Variants in KIAA1210 observed in about 807,000 individuals in gnomAD.
KIAA1210 encodes acrosomal protein KIAA1210.
A neutral mutation model predicts 78.9 loss-of-function variants in KIAA1210; 48 were observed. The observed-to-expected ratio is 0.61, with a 90% CI of 0.48 to 0.77. KIAA1210 has a LOEUF of 0.77. Ranked by LOEUF, KIAA1210 falls within the 30% of genes least tolerant of loss-of-function variation. KIAA1210 has a pLI of 0.00. For synonymous variants in KIAA1210, 406 were observed against 404.5 expected, an observed-to-expected ratio of 1.00 and a Z score of -0.04; for missense variants, 1,108 against 1,100.0, an observed-to-expected ratio of 1.01 and a Z score of -0.10.
rs1038050442 is a variant in KIAA1210 at position 119,079,425 on chromosome X, T to C, written c.*1904A>G. 63 of 111,244 alleles carry C rather than the reference T, an allele frequency of 5.7e-4. No homozygotes were observed. The highest frequency in any genetic ancestry group is 1.0e-3 in the Non-Finnish European group (53 of 52,945). The allele number at this position is 111,244 out of a possible 1,213,427, so 9.2% of individuals were successfully genotyped here. A position where few individuals can be genotyped will look rare whatever the true frequency, so the allele number is the denominator to read the frequency against. On this transcript the variant is annotated 3_prime_UTR_variant, in exon 12 of 12. Transcript: ENST00000691062. ...GAGCTCTCCCTTAGTGTTTGGTGGG[T>C]TTGGGGGATGGAATGAAGAGAAAGA...
At chrX:119,141,090 C>G (rs1929039912) in intron 2 of KIAA1210, among the ~76,000 whole-genome samples, 1 of 111,959 alleles carries the variant, frequency 8.9e-6, no homozygotes, top group African/African-American at 3.2e-5. Flanking sequence ...TAGTGCAAAT[C>G]TGAGGAGGCA....
chrX:119,147,943 T>C (rs1603273837), intron 1 of KIAA1210, among the ~76,000 whole-genome samples: 2 of 111,769 alleles, frequency 1.8e-5, no homozygotes, highest in East Asian at 5.6e-4. Context: ...GAGACCAGTC[T>C]GGGCAACATA....
At position 119,108,333 on chromosome X, in the gene KIAA1210, T is replaced by C. The variant is rs756573955; in HGVS notation, c.492+4A>G. On this transcript the variant is annotated splice_donor_region_variant and intron_variant, in intron 5 of 11. Coordinates refer to ENST00000691062, the MANE Select transcript of KIAA1210 (RefSeq NM_001394962.1). ...CCATGCGCTGAACAATTCCACTTTGTTACCTCAGTGATCTTGGGGCCAGCA... is the reference window on the plus strand; with the variant it reads ...CCATGCGCTGAACAATTCCACTTTGCTACCTCAGTGATCTTGGGGCCAGCA... 3 of 1,205,292 alleles carry C rather than the reference T, an allele frequency of 2.5e-6. No homozygotes were observed. The South Asian group carries it at 5.3e-5, about 21-fold the overall frequency.
intron 2 of KIAA1210, among the ~76,000 whole-genome samples, chrX:119,146,499 C>G (rs1328638832): frequency 8.9e-6 from 1 of 112,319 alleles, no homozygotes; most frequent in African/African-American, 3.2e-5. Flanking sequence ...TGAAACCTGT[C>G]AACTACATCT....
rs1927463949 is a variant in KIAA1210, at chrX:119,093,769, G to C, written c.853C>G (p.Pro285Ala). Residue 285 changes from proline (P) to alanine (A), a missense_variant, in exon 8 of 12, where the codon CCA becomes GCA. Physicochemically the swap from Pro to Ala is conservative, Grantham distance 27. Coordinates refer to ENST00000691062, the MANE Select transcript of KIAA1210 (RefSeq NM_001394962.1). ...QKKNLQVIVE[P>A]KEEEPNLPLV... ...GGAAGGTTTGGCTCCTCCTCCTTTG[G>C]TTCCACCTGAAACAGGAAAAGAAAG... is the stretch of plus-strand genomic sequence containing the variant. 4.2e-6 allele frequency: 5 copies of C among 1,198,668 alleles called. No homozygotes were observed. The highest frequency in any genetic ancestry group is 5.6e-6 in the Non-Finnish European group (5 of 885,964).
chrX:119,125,731 ATATATTT>A (rs1195069777), intron 1 of KIAA1210, among the ~76,000 whole-genome samples: 7 of 7,607 alleles, frequency 9.2e-4, no homozygotes, highest in South Asian at 0.019. Flanking sequence ...ATATATATAT[ATATATTT>A]TTTTTTTTTT....
chrX:119,094,092 C>T (rs756261305), intron 7 of KIAA1210: 6 of 1,181,461 alleles, frequency 5.1e-6, no homozygotes, highest in Admixed American at 4.4e-5. Context: ...TGGAAGGCCA[C>T]GAATCTGAAA....
At chrX:119,130,856 T>C (rs920164791), upstream of KIAA1210, among the ~76,000 whole-genome samples, 4 of 111,948 alleles carry the variant, frequency 3.6e-5, no homozygotes, top group Non-Finnish European at 7.5e-5. Context: ...CGTTATCAAG[T>C]CATTATTAAA....
chrX:119,115,555 T>C (rs1451113726), intron 3 of KIAA1210, among the ~76,000 whole-genome samples: 1 of 112,269 alleles, frequency 8.9e-6, no homozygotes, highest in Non-Finnish European at 1.9e-5. Flanking sequence ...ATGATAACTA[T>C]CAGGCCATTA....
upstream of KIAA1210, chrX:119,150,644 A>T: frequency 9.2e-7 from 1 of 1,088,820 alleles, no homozygotes; most frequent in South Asian, 2.1e-5. Context: ...AGCTGGGTTG[A>T]GGACTCTCCC....
rs966623201 is a variant in KIAA1210, at chrX:119,116,691, A to T, written c.62-27T>A. The T allele has an allele frequency of 8.6e-6, 10 of 1,162,734 alleles. No individual in the cohort carries two copies. The African/African-American group carries it at 1.6e-4, about 19-fold the overall frequency. On this transcript the variant is annotated intron_variant, in intron 2 of 11. Transcript: ENST00000691062. ...TGGAAGTGAAAAATGAAAATGAGGC[A>T]GAGTGTGATGGTAGAAGGGAAGACA... is the stretch of plus-strand genomic sequence containing the variant.
chrX:119,130,084 GCA>G (rs1428550081), upstream of KIAA1210, among the ~76,000 whole-genome samples: 2 of 111,903 alleles, frequency 1.8e-5, no homozygotes, highest in Admixed American at 1.9e-4. Context: ...CTCAAAAAAG[GCA>G]CAGTGTTCTC....
At position 119,109,142 on chromosome X, in the gene KIAA1210, A is replaced by G. The variant is rs1360812476; in HGVS notation, c.291T>C (p.Pro97=). ...TTTTACTTGCTGATCTTTCAGGCTCAGGACCCAACATGAAGATGCTATCAT... is the reference window on the plus strand; with the variant it reads ...TTTTACTTGCTGATCTTTCAGGCTCGGGACCCAACATGAAGATGCTATCAT... ...LSHDSIFMLG[P]EPERSASKMF... Residue 97 remains proline (P), a synonymous_variant, in exon 4 of 12, where the codon CCT becomes CCC. Transcript: ENST00000691062. The G allele has an allele frequency of 8.3e-7, 1 of 1,207,067 alleles. No individual in the cohort carries two copies. The highest frequency in any genetic ancestry group is 1.8e-5 in the South Asian group (1 of 56,334).
At chrX:119,137,130 C>T (rs1204999091) in intron 2 of KIAA1210, among the ~76,000 whole-genome samples, 1 of 112,673 alleles carries the variant, frequency 8.9e-6, no homozygotes, top group African/African-American at 3.2e-5. Flanking sequence ...TGAATATGTG[C>T]AAATGCTGTT....
At chrX:119,147,810 C>T (rs1405982414) in intron 1 of KIAA1210, among the ~76,000 whole-genome samples, 1 of 111,353 alleles carries the variant, frequency 9.0e-6, no homozygotes, top group Non-Finnish European at 1.9e-5. Flanking sequence ...GTACTGAAAT[C>T]GGAAATGGGT....
chrX:119,125,714 CAT>C (rs1193124266), intron 1 of KIAA1210, among the ~76,000 whole-genome samples: 49 of 4,440 alleles, frequency 0.011, 2 homozygotes, highest in African/African-American at 0.014. Flanking sequence ...CCAGCTAATA[CAT>C]ATATATATAT....
chrX:119,139,827 C>T (rs1239785981), intron 2 of KIAA1210, among the ~76,000 whole-genome samples: 1 of 111,900 alleles, frequency 8.9e-6, no homozygotes, highest in African/African-American at 3.2e-5. Context: ...AGGTATTTTT[C>T]TTCTAATAAA....
In KIAA1210 at chrX:119,089,296, A is replaced by G. The variant is rs182751561; in HGVS notation, c.1406T>C (p.Met469Thr). The G allele has an allele frequency of 1.2e-5, 15 of 1,210,122 alleles. No homozygotes were observed. In the Admixed American group the frequency reaches 2.0e-4, roughly 16 times the overall value. The change falls in exon 9 of 12, where the codon ATG becomes ACG. Residue 469 changes from methionine to threonine, a missense_variant. Physicochemically the swap from Met to Thr is moderately conservative, Grantham distance 81 (BLOSUM62 -1). Transcript: ENST00000691062. ...ATGGTATGGTTGTGGATCACTAACC[A>G]TGGAATTGTCCATGTTTTCAGGTAT... The part of the protein sequence containing the change: ...QPIPENMDNS[M>T]VSDPQPYHED...
At chrX:119,115,421 T>C (rs773656564) in intron 3 of KIAA1210, among the ~76,000 whole-genome samples, 2 of 111,817 alleles carry the variant, frequency 1.8e-5, no homozygotes, top group Non-Finnish European at 3.8e-5. Flanking sequence ...TGGGCTATAA[T>C]AGTATTACTT....
Sources: allele counts gnomAD v4.1 joint callset (sites outside exome capture counted in the v4.1 genomes callset), GRCh38; gene constraint gnomAD v4.1.1; transcripts MANE v1.5; gene names NCBI Gene and HGNC (gene_info 2026-07-23, HGNC 2026-07-21).